The following CRIP2 variants were observed in gnomAD, a reference collection of about 807,000 sequenced individuals.
CRIP2 encodes cysteine rich protein 2, also known as cysteine-rich protein 2.
Under a neutral mutation model 31.3 loss-of-function variants are expected in CRIP2, and 31 were observed. That is an observed-to-expected ratio of 0.99 (90% CI 0.74 to 1.34). The LOEUF (loss-of-function observed/expected upper bound fraction) is 1.34. Ranked by LOEUF, CRIP2 falls within the 40% of genes most tolerant of loss-of-function variation. CRIP2 has a pLI of 0.00. For missense variants in CRIP2, 389 were observed against 301.6 expected (o/e 1.29, Z -2.15); for synonymous variants, 177 against 127.2 (o/e 1.39, Z -2.63).
chr14:105,479,663 G>A lies in CRIP2; in HGVS notation c.*10G>A. On this transcript the variant is annotated 3_prime_UTR_variant, in exon 8 of 8. Coordinates refer to ENST00000329146, the MANE Select transcript of CRIP2 (RefSeq NM_001312.4). ...CAAGGTCCAGCCCTAGGCTACAGCG[G>A]CTCTCATGATGTGGGCTCACCTGCG... 1 of 1,610,050 alleles carries A rather than the reference G, an allele frequency of 6.2e-7. No individual in the cohort carries two copies. Among genetic ancestry groups the A allele is most frequent in the Non-Finnish European group, 8.5e-7 (1 of 1,178,894 alleles).
At chr14:105,479,558 G>C (rs1555436895) in intron 7 of CRIP2, 28 bp from the exon 8 acceptor site, 3 of 1,612,602 alleles carry the variant, frequency 1.9e-6, no homozygotes, top group Non-Finnish European at 2.5e-6. Flanking sequence ...CTGTTCCCCC[G>C]ACCCACCCCA....
chr14:105,474,715 C>T, upstream of CRIP2: 2 of 989,846 alleles, frequency 2.0e-6, no homozygotes, highest in Non-Finnish European at 1.2e-6. The surrounding 1 kb of genome is among the most constrained non-coding windows in gnomAD (Gnocchi z 5.1). Flanking sequence ...CCCAGGCGGC[C>T]CCCAGCCCGG....
chr14:105,479,467 G>A lies in CRIP2; in HGVS notation c.533G>A (p.Cys178Tyr), dbSNP rs1038735017. The change falls in exon 7 of 8, where the codon TGC becomes TAC. Residue 178 changes from cysteine to tyrosine, a missense_variant. Cys to Tyr is a radical substitution (Grantham distance 194). Transcript: ENST00000329146. ...HDGQPYCHKP[C>Y]YGILFGPKGV... ...GGCCAGCCCTACTGCCACAAGCCCT[G>A]CTATGGAATCCTCTTCGGACCCAAG... 5 of 1,612,866 alleles carry A rather than the reference G, an allele frequency of 3.1e-6. No individual in the cohort carries two copies. The African/African-American group carries it at 6.7e-5, about 22-fold the overall frequency.
At chr14:105,479,244 G>C in intron 6 of CRIP2, 25 bp downstream of exon 6, 1 of 1,596,782 alleles carries the variant, frequency 6.3e-7, no homozygotes, top group Non-Finnish European at 8.5e-7. Flanking sequence ...ACGGGGCTTG[G>C]GGGCCGGGCA....
rs1271696605 is a variant in CRIP2, at chr14:105,479,972, C to T, written c.*319C>T. 2.6e-5 allele frequency: 10 copies of T among 386,036 alleles called. No individual in the cohort carries two copies. The highest frequency in any genetic ancestry group is 1.6e-4 in the African/African-American group (8 of 48,644). The allele number at this position is 386,036 out of a possible 1,614,324, so 23.9% of individuals were successfully genotyped here. A position where few individuals can be genotyped will look rare whatever the true frequency, so the allele number is the denominator to read the frequency against. On this transcript the variant is annotated 3_prime_UTR_variant, in exon 8 of 8. Transcript: ENST00000329146. The stretch of plus-strand genomic sequence containing the variant: ...GCTGTCCGCTCTCCCTCTCCTGCTG[C>T]CCACCCACCTGCCAGTGTTATTTAT...
At chr14:105,473,291 G>A (rs1459286631), upstream of CRIP2, 100 of 1,532,308 alleles carry the variant, frequency 6.5e-5, no homozygotes, top group Non-Finnish European at 8.4e-5. Context: ...CAGGTCCCAA[G>A]TGCAGAGGGG....
At chr14:105,475,902 T>A in intron 1 of CRIP2, 15 of 985,524 alleles carry the variant, frequency 1.5e-5, no homozygotes, top group Non-Finnish European at 1.8e-5. Context: ...GCGCCTGCCC[T>A]GGTCGCCCCA....
intron 1 of CRIP2, chr14:105,477,221 C>A (rs2083950726): frequency 1.1e-5 from 11 of 962,654 alleles, no homozygotes; most frequent in Non-Finnish European, 1.4e-5. Flanking sequence ...CCTAGGGAGG[C>A]CCCTGCTTCC....
At chr14:105,476,621 G>A (rs1276545688) in intron 1 of CRIP2, 8 of 985,372 alleles carry the variant, frequency 8.1e-6, no homozygotes, top group Non-Finnish European at 9.6e-6. Flanking sequence ...ACGTCCCAGA[G>A]CTGGCCAGAG....
Position 105,477,679 on chromosome 14 carries a change from G to GT in CRIP2, c.44-587_44-586insT, listed in dbSNP as rs1201510241. On this transcript the variant is annotated intron_variant, in intron 1 of 7. Transcript: ENST00000329146. ...TATGTGTGGGGGGAGGCAGGTGTGT[G>GT]GGGGGAAGCGGGTGTGTGTCTGAGG... is the stretch of plus-strand genomic sequence containing the variant. 2.7e-4 allele frequency: 187 copies of GT among 691,814 alleles called. 83 individuals are homozygous for GT. Among genetic ancestry groups the GT allele is most frequent in the East Asian group, 1.2e-3 (6 of 5,034 alleles). 42.9% of individuals were successfully genotyped at this position (691,814 alleles called of 1,614,324 possible).
Position 105,478,715 on chromosome 14 carries a change from G to T in CRIP2, c.197-16G>T, listed in dbSNP as rs1555436489. 1 of 1,329,402 alleles carries T rather than the reference G, an allele frequency of 7.5e-7. No individual in the cohort carries two copies. The highest frequency in any genetic ancestry group is 9.7e-7 in the Non-Finnish European group (1 of 1,026,506). The allele number at this position is 1,329,402 out of a possible 1,614,324, so 82.4% of individuals were successfully genotyped here. ...CCCACCCCACGTACCCCCGCCCCAC[G>T]TACCCCCACCCGCAGGCGTGAACAT... On this transcript the variant is annotated splice_polypyrimidine_tract_variant and intron_variant, in intron 3 of 7. Coordinates refer to ENST00000329146, the MANE Select transcript of CRIP2 (RefSeq NM_001312.4). The surrounding 1 kb of genome is among the most constrained non-coding windows in gnomAD (Gnocchi z 4.9).
intron 5 of CRIP2, 24 bp downstream of exon 5, chr14:105,479,071 A>AC: frequency 2.6e-6 from 4 of 1,519,316 alleles, no homozygotes; most frequent in Non-Finnish European, 3.6e-6. Context: ...CGGGCCCCGG[A>AC]CCCCCGCCCC....
Position 105,478,555 on chromosome 14 carries a change from C to T in CRIP2, c.196+48C>T, listed in dbSNP as rs1555436453. 3.8e-6 allele frequency: 6 copies of T among 1,578,510 alleles called. No individual in the cohort carries two copies. In the African/African-American group the frequency reaches 4.0e-5, roughly 11 times the overall value. ...CTGCCCTGGGACCTGCTGGGAGGGG[C>T]GTGGCGCTGGCGCTGGGGAGGGCTG... is the stretch of plus-strand genomic sequence containing the variant. On this transcript the variant is annotated intron_variant, in intron 3 of 7. Transcript: ENST00000329146. This position sits in a 1 kb window ranked among gnomAD's most constrained non-coding sequence, Gnocchi z 4.9.
chr14:105,473,450 AG>A (rs2083875578), upstream of CRIP2: 1 of 1,535,604 alleles, frequency 6.5e-7, no homozygotes, highest in Non-Finnish European at 8.7e-7. Flanking sequence ...CATGAAAGCC[AG>A]GAGCACCGAG....
Position 105,479,001 on chromosome 14 carries a change from CG to C in CRIP2, c.364del (p.Glu122SerfsTer18). On this transcript the variant is annotated frameshift_variant, in exon 5 of 8. Coordinates refer to ENST00000329146, the MANE Select transcript of CRIP2 (RefSeq NM_001312.4). LOFTEE classifies it high-confidence loss of function. ...SRASSVTTFT[G>X]EPNTCPRCSK... Reference sequence around the variant, plus strand: ...CAGCCTCCAGTGTCACCACTTTCACCGGGGAGCCCAACACGTGCCCGCGCTG... The same window carrying C: ...CAGCCTCCAGTGTCACCACTTTCACCGGGAGCCCAACACGTGCCCGCGCTG... 6.3e-7 allele frequency: 1 copy of C among 1,581,624 alleles called. No homozygotes were observed.
chr14:105,477,625 T>C lies in CRIP2; in HGVS notation c.44-641T>C, dbSNP rs2083961903. 1.2e-5 allele frequency: 10 copies of C among 846,928 alleles called. No homozygotes were observed. In the South Asian group the frequency reaches 6.0e-4, roughly 51 times the overall value. The allele number at this position is 846,928 out of a possible 1,614,324, so 52.5% of individuals were successfully genotyped here. A position where few individuals can be genotyped will look rare whatever the true frequency, so the allele number is the denominator to read the frequency against. ...AGGTGTGTGAGTGTAAGAGAAGTGT[T>C]TGAGGGAATGACAGGTGGGGGAGAT... On this transcript the variant is annotated intron_variant, in intron 1 of 7. Transcript: ENST00000329146.
chr14:105,479,734 T>C lies in CRIP2; in HGVS notation c.*81T>C, dbSNP rs1555437004. 7 of 1,457,740 alleles carry C rather than the reference T, an allele frequency of 4.8e-6. No homozygotes were observed. Among genetic ancestry groups the C allele is most frequent in the South Asian group, 1.2e-5 (1 of 82,964 alleles). The allele number at this position is 1,457,740 out of a possible 1,614,324, so 90.3% of individuals were successfully genotyped here. Reference sequence around the variant, plus strand: ...CCCCTGCTTGGCTCTGCTGGGAGAGTGCTCAGCCGCCCAGTCCTGCCTGCA... The same window carrying C: ...CCCCTGCTTGGCTCTGCTGGGAGAGCGCTCAGCCGCCCAGTCCTGCCTGCA... On this transcript the variant is annotated 3_prime_UTR_variant, in exon 8 of 8. Transcript: ENST00000329146.
In CRIP2 at chr14:105,478,532, G is replaced by C. The variant is rs2084005751; in HGVS notation, c.196+25G>C. The C allele has an allele frequency of 4.4e-6, 7 of 1,601,330 alleles. No individual in the cohort carries two copies. In the Admixed American group the frequency reaches 5.1e-5, roughly 12 times the overall value. On this transcript the variant is annotated intron_variant, in intron 3 of 7. Transcript: ENST00000329146. This position sits in a 1 kb window ranked among gnomAD's most constrained non-coding sequence, Gnocchi z 4.9. ...GGTGAGCTCCGGCTGCCCTCGGCCTGCCCTGGGACCTGCTGGGAGGGGCGT... is the reference window on the plus strand; with the variant it reads ...GGTGAGCTCCGGCTGCCCTCGGCCTCCCCTGGGACCTGCTGGGAGGGGCGT...
chr14:105,479,262 G>A (rs781904647), intron 6 of CRIP2, 43 bp downstream of exon 6: 4 of 1,554,182 alleles, frequency 2.6e-6, no homozygotes, highest in Non-Finnish European at 3.5e-6. Flanking sequence ...GCAGGGGCGC[G>A]GGGTCGGGGG....
Sources: allele counts gnomAD v4.1 joint callset, GRCh38; gene constraint gnomAD v4.1.1; non-coding constraint Gnocchi (gnomAD v3.1); transcripts MANE v1.5; gene names NCBI Gene and HGNC (gene_info 2026-07-23, HGNC 2026-07-21).